Variants in CLEC16A observed in about 807,000 individuals in gnomAD.
CLEC16A encodes the protein protein CLEC16A.
Under a neutral mutation model 109.5 loss-of-function variants are expected in CLEC16A, and 51 were observed. The observed-to-expected ratio is 0.47, with a 90% CI of 0.37 to 0.59. CLEC16A has a LOEUF of 0.59. CLEC16A is among the 20% of genes least tolerant of loss of function. The pLI is 0.00. For missense variants in CLEC16A, 1,339 were observed against 1,394.0 expected (o/e 0.96, Z 0.63); for synonymous variants, 673 against 564.2 (o/e 1.19, Z -2.73).
At chr16:11,082,930 C>T (rs867251594) in intron 19 of CLEC16A, among the ~76,000 whole-genome samples, 2 of 152,138 alleles carry the variant, frequency 1.3e-5, no homozygotes, top group African/African-American at 2.4e-5. Flanking sequence ...AGCTCCCCAT[C>T]TAAGTTTAAG....
chr16:11,067,156 GTT>G (rs201380415), intron 19 of CLEC16A, among the ~76,000 whole-genome samples: 1 of 125,760 alleles, frequency 8.0e-6, no homozygotes, highest in African/African-American at 3.0e-5. Flanking sequence ...TGTTGTGGGG[GTT>G]TTTTTTTTGG....
At chr16:11,069,779 AC>A (rs2048963700) in intron 19 of CLEC16A, among the ~76,000 whole-genome samples, 1 of 152,174 alleles carries the variant, frequency 6.6e-6, no homozygotes, top group Admixed American at 6.5e-5. Flanking sequence ...AAAAAATACA[AC>A]CATGCAAAAT....
chr16:11,114,039 C>T (rs2051791340), intron 19 of CLEC16A, among the ~76,000 whole-genome samples: 1 of 151,946 alleles, frequency 6.6e-6, no homozygotes, highest in Admixed American at 6.6e-5. Context: ...CCTCATTATA[C>T]CTGATGTTAT....
At chr16:11,008,257 G>A (rs983010584) in intron 11 of CLEC16A, among the ~76,000 whole-genome samples, 1 of 152,090 alleles carries the variant, frequency 6.6e-6, no homozygotes, top group African/African-American at 2.4e-5. Context: ...TGTGATCGCT[G>A]GAATATGGAA....
intron 13 of CLEC16A, chr16:11,026,950 C>T (rs1349979811): frequency 3.9e-6 from 5 of 1,287,074 alleles, no homozygotes; most frequent in Non-Finnish European, 4.5e-6. Flanking sequence ...TCTCTATGGT[C>T]AAGTAAACAG....
chr16:11,078,802 C>A (rs1463787430), intron 19 of CLEC16A, among the ~76,000 whole-genome samples: 1 of 152,146 alleles, frequency 6.6e-6, no homozygotes, highest in African/African-American at 2.4e-5. Context: ...ATGAGGGAGG[C>A]AGATTCCCAT....
At chr16:10,964,180 G>T (rs1289848355) in intron 3 of CLEC16A, among the ~76,000 whole-genome samples, 1 of 152,222 alleles carries the variant, frequency 6.6e-6, no homozygotes, top group Non-Finnish European at 1.5e-5. Flanking sequence ...CTGAGTGATG[G>T]CTCTCGCAGC....
intron 19 of CLEC16A, among the ~76,000 whole-genome samples, chr16:11,105,817 G>C (rs1234243260): frequency 1.3e-5 from 2 of 152,206 alleles, no homozygotes; most frequent in African/African-American, 4.8e-5. Flanking sequence ...TGCTCAGATA[G>C]TTGCTGAGTG....
chr16:11,159,146 C>T (rs1325398882), intron 22 of CLEC16A, among the ~76,000 whole-genome samples: 1 of 152,214 alleles, frequency 6.6e-6, no homozygotes. Context: ...GGTCCATGTT[C>T]TCCTGCAGCA....
intron 1 of CLEC16A, among the ~76,000 whole-genome samples, chr16:10,947,561 T>A (rs2041456887): frequency 6.6e-6 from 1 of 152,100 alleles, no homozygotes; most frequent in African/African-American, 2.4e-5. Context: ...CCCTGCGGGT[T>A]TTGTGGCATG....
At chr16:11,027,556 G>T in intron 13 of CLEC16A, 1 of 1,557,332 alleles carries the variant, frequency 6.4e-7, no homozygotes, top group Non-Finnish European at 8.7e-7. Flanking sequence ...GAGCACCTGG[G>T]GAAGTTTGGC....
chr16:11,074,128 G>C (rs565046464), intron 19 of CLEC16A, among the ~76,000 whole-genome samples: 3 of 151,822 alleles, frequency 2.0e-5, no homozygotes, highest in Admixed American at 6.6e-5. Context: ...CTCTCTAAGG[G>C]CTAAAATGCT....
At chr16:10,989,640 A>G (rs538855490) in intron 10 of CLEC16A, among the ~76,000 whole-genome samples, 8 of 152,194 alleles carry the variant, frequency 5.3e-5, no homozygotes, top group Non-Finnish European at 1.0e-4. Flanking sequence ...ATCTCCACAT[A>G]AGGACATTGA....
At chr16:11,031,492 C>G (rs1183012656) in intron 13 of CLEC16A, among the ~76,000 whole-genome samples, 3 of 152,212 alleles carry the variant, frequency 2.0e-5, no homozygotes, top group Admixed American at 1.3e-4. Flanking sequence ...ACCTCTTTTT[C>G]TTGGGAATTT....
intron 22 of CLEC16A, among the ~76,000 whole-genome samples, chr16:11,154,428 C>G (rs140118276): frequency 5.9e-5 from 9 of 152,162 alleles, no homozygotes; most frequent in Admixed American, 5.2e-4. Context: ...TTCTCGTAAA[C>G]GATTTTCATA....
rs946034712 is a variant in CLEC16A, at chr16:11,181,761, C to T, written c.*3071C>T. The T allele has an allele frequency of 6.6e-6, 1 of 152,610 alleles. No individual in the cohort carries two copies. The highest frequency in any genetic ancestry group is 2.4e-5 in the African/African-American group (1 of 41,474). The allele number at this position is 152,610 out of a possible 1,614,324, so 9.5% of individuals were successfully genotyped here. On this transcript the variant is annotated 3_prime_UTR_variant, in exon 24 of 24. Transcript: ENST00000409790. ...TTGGCAGCCTCCCACAACCCAGACA[C>T]TTGCGTTCACAAGCAACCTAAGGGG...
At chr16:11,047,483 TG>T in intron 17 of CLEC16A, 141 bp downstream of exon 17, 1 of 458,276 alleles carries the variant, frequency 2.2e-6, no homozygotes, top group Non-Finnish European at 3.7e-6. Flanking sequence ...AGATTTAGAA[TG>T]GTGTCTTGTG....
At chr16:11,105,342 A>C (rs1415877650) in intron 19 of CLEC16A, among the ~76,000 whole-genome samples, 1 of 152,172 alleles carries the variant, frequency 6.6e-6, no homozygotes, top group Non-Finnish European at 1.5e-5. Flanking sequence ...GCACGTATTG[A>C]AGAAGAGGAA....
chr16:10,964,196 C>T (rs1293578415), intron 3 of CLEC16A, among the ~76,000 whole-genome samples: 2 of 152,230 alleles, frequency 1.3e-5, no homozygotes, highest in East Asian at 3.8e-4. Context: ...GCAGCCGCCG[C>T]TAGGTGGTGC....
Sources: gnomAD v4.1 joint callset for allele counts (sites outside exome capture counted in the v4.1 genomes callset) on GRCh38, gnomAD v4.1.1 for gene constraint, MANE v1.5 for transcripts, NCBI Gene and HGNC (gene_info 2026-07-23, HGNC 2026-07-21) for gene names.